UNC79: variants seen among roughly 807,000 people sequenced by gnomAD.
The protein encoded by UNC79 is protein unc-79 homolog.
In UNC79, 37 loss-of-function variants were observed where a neutral mutation model predicts 283.1. The ratio of observed to expected loss-of-function variants is 0.13; its 90% CI spans 0.10 to 0.17. The LOEUF is 0.17. UNC79 is among the 10% of genes least tolerant of loss of function. UNC79 has a pLI of 1.00. For missense variants in UNC79, 2,272 were observed against 3,211.1 expected, an observed-to-expected ratio of 0.71 and a Z score of 7.07; for synonymous variants, 1,107 against 1,200.2, an observed-to-expected ratio of 0.92 and a Z score of 1.61.
chr14:93,653,597 T>G (rs2070560180), intron 35 of UNC79, 145 bp from the exon 39 acceptor site: 1 of 757,724 alleles, frequency 1.3e-6, no homozygotes, highest in Non-Finnish European at 2.2e-6. Context: ...TAGGTTTGAG[T>G]AGAATATTTC....
At chr14:93,368,057 G>C (rs542636029) in intron 1 of UNC79, among the ~76,000 whole-genome samples, 1 of 152,316 alleles carries the variant, frequency 6.6e-6, no homozygotes, top group East Asian at 1.9e-4. Flanking sequence ...CCCTTTCTCA[G>C]AGTGATTCTG....
chr14:93,631,139 A>G (rs966620248), intron 31 of UNC79, among the ~76,000 whole-genome samples: 4 of 152,204 alleles, frequency 2.6e-5, no homozygotes, highest in African/African-American at 7.2e-5. Context: ...CTGGCCAAGT[A>G]TCCTAATTTG....
chr14:93,529,420 C>T (rs1326954779), intron 10 of UNC79, 94 bp downstream of exon 10: 7 of 1,368,806 alleles, frequency 5.1e-6, no homozygotes, highest in Non-Finnish European at 6.1e-6. Context: ...TTTACAAAGA[C>T]AGTCACCAAA....
chr14:93,569,239 C>T (rs942570842), intron 14 of UNC79, among the ~76,000 whole-genome samples: 6 of 152,104 alleles, frequency 3.9e-5, no homozygotes, highest in Non-Finnish European at 7.4e-5. Flanking sequence ...AGATGGAGAC[C>T]ATCCTGGCCA....
chr14:93,691,365 G>A (rs2074687600), intron 45 of UNC79: 1 of 279,258 alleles, frequency 3.6e-6, no homozygotes. Flanking sequence ...TTACTCCCAT[G>A]CTTTGAAGAG....
chr14:93,386,448 T>C (rs2054776273), intron 1 of UNC79, among the ~76,000 whole-genome samples: 1 of 152,200 alleles, frequency 6.6e-6, no homozygotes, highest in South Asian at 2.1e-4. Context: ...TGATGTGTCT[T>C]TGTCTGGTTT....
intron 3 of UNC79, among the ~76,000 whole-genome samples, chr14:93,476,219 C>T (rs1024920958): frequency 1.3e-5 from 2 of 152,146 alleles, no homozygotes; most frequent in African/African-American, 4.8e-5. Flanking sequence ...GCTGCTGGGT[C>T]TGGGTGGAGC....
chr14:93,599,638 G>C (rs997893637), intron 24 of UNC79, among the ~76,000 whole-genome samples: 10 of 152,180 alleles, frequency 6.6e-5, no homozygotes, highest in Non-Finnish European at 1.3e-4. Context: ...CTGAATTAAT[G>C]AATGGGATGT....
intron 1 of UNC79, among the ~76,000 whole-genome samples, chr14:93,449,257 A>C (rs748243643): frequency 1.3e-5 from 2 of 152,182 alleles, no homozygotes; most frequent in Non-Finnish European, 2.9e-5. Flanking sequence ...TCCTCTTTCC[A>C]GAATCCTCCT....
chr14:93,497,222 C>T, exon 7 of UNC79: 2 of 1,613,618 alleles, frequency 1.2e-6, no homozygotes, highest in Non-Finnish European at 1.7e-6. Context: ...AAATGCTTTT[C>T]CACTACTGGC....
At chr14:93,606,741 T>C (rs2065914960) in intron 26 of UNC79, among the ~76,000 whole-genome samples, 1 of 152,156 alleles carries the variant, frequency 6.6e-6, no homozygotes. Context: ...ATCTTAACCT[T>C]TACATAATAC....
Position 93,641,256 on chromosome 14 carries a change from G to T in UNC79, c.5903+9G>T, listed in dbSNP as rs371324493. Reference sequence around the variant, plus strand: ...ACGGTGATGACGGACAAGTAAGCTCGCACAGTTATTTTCTTCACCATGTTT... The same window carrying T: ...ACGGTGATGACGGACAAGTAAGCTCTCACAGTTATTTTCTTCACCATGTTT... On this transcript the variant is annotated intron_variant, in intron 33 of 48. Coordinates refer to ENST00000555664, the Ensembl canonical transcript of UNC79. The T allele has an allele frequency of 6.2e-7, 1 of 1,608,602 alleles. No individual in the cohort carries two copies. Among genetic ancestry groups the T allele is most frequent in the East Asian group, 2.2e-5 (1 of 44,708 alleles).
chr14:93,470,561 T>A (rs1266952809), intron 2 of UNC79, among the ~76,000 whole-genome samples: 1 of 152,186 alleles, frequency 6.6e-6, no homozygotes, highest in African/African-American at 2.4e-5. Context: ...GAGAAGGGGA[T>A]CAGTAAATGT....
Position 93,340,560 on chromosome 14 carries a change from T to G in UNC79, c.-351+7037T>G, listed in dbSNP as rs1450477264. Among the ~76,000 whole-genome samples the G allele has an allele frequency of 7.3e-5, 11 of 151,544 alleles. No individual in the cohort carries two copies. The South Asian group carries it at 1.5e-3, about 20-fold the overall frequency. On this transcript the variant is annotated intron_variant, in intron 1 of 49. Transcript: ENST00000256339. ...CATCCAGTCAGGTTACAGTTCACTATGTAGGAGAAACTTTTTTTTTTTTTT... is the reference window on the plus strand; with the variant it reads ...CATCCAGTCAGGTTACAGTTCACTAGGTAGGAGAAACTTTTTTTTTTTTTT...
intron 11 of UNC79, among the ~76,000 whole-genome samples, chr14:93,536,782 C>CTTTTTTTT (rs35677025): frequency 2.4e-5 from 2 of 82,434 alleles, no homozygotes; most frequent in Non-Finnish European, 4.7e-5. Flanking sequence ...CCACCCCCGG[C>CTTTTTTTT]TTTTTTTTTT....
intron 27 of UNC79, among the ~76,000 whole-genome samples, chr14:93,614,465 C>T (rs868264476): frequency 1.1e-4 from 17 of 151,968 alleles, no homozygotes; most frequent in Middle Eastern, 3.4e-3. Flanking sequence ...CACAGGCACC[C>T]GCCACCACGC....
chr14:93,568,968 A>G (rs1278956208), intron 14 of UNC79, among the ~76,000 whole-genome samples: 2 of 152,216 alleles, frequency 1.3e-5, no homozygotes, highest in African/African-American at 4.8e-5. Context: ...GGGCCGAGCT[A>G]AGGAAAAAGG....
At chr14:93,477,494 A>G (rs2057870038) in intron 3 of UNC79, 64 bp from the exon 4 acceptor site, 1 of 1,350,314 alleles carries the variant, frequency 7.4e-7, no homozygotes, top group African/African-American at 1.5e-5. Context: ...CTTAAAATGT[A>G]AAGTTAGCCT....
At chr14:93,692,221 CGAG>C (rs1368269787) in intron 46 of UNC79, among the ~76,000 whole-genome samples, 5 of 151,958 alleles carry the variant, frequency 3.3e-5, no homozygotes, top group South Asian at 4.2e-4. Flanking sequence ...AAAATTGCTA[CGAG>C]GAGATTTCAA....
Sources: allele counts gnomAD v4.1 joint callset (sites outside exome capture counted in the v4.1 genomes callset), GRCh38; gene constraint gnomAD v4.1.1; transcripts MANE v1.5; gene names NCBI Gene and HGNC (gene_info 2026-07-23, HGNC 2026-07-21).